Variants in LRRK2 observed in about 807,000 individuals in gnomAD.
LRRK2 encodes the protein leucine-rich repeat serine/threonine-protein kinase 2.
A neutral mutation model predicts 302.6 loss-of-function variants in LRRK2; 203 were observed. The observed-to-expected ratio is 0.67, with a 90% CI of 0.60 to 0.75. LRRK2 has a LOEUF of 0.75. Ranked by LOEUF, LRRK2 falls within the 30% of genes least tolerant of loss-of-function variation. LRRK2 has a pLI of 0.00. For synonymous variants in LRRK2, 1,066 were observed against 1,031.9 expected (o/e 1.03, Z -0.63); for missense variants, 2,830 against 2,951.0 (o/e 0.96, Z 0.95).
chr12:40,363,373 G>A (rs1946774189), intron 47 of LRRK2, 29 bp from the exon 48 acceptor site: 3 of 1,571,542 alleles, frequency 1.9e-6, no homozygotes, highest in Non-Finnish European at 2.6e-6. Flanking sequence ...AACAAATAGT[G>A]ATGACTTTCT....
chr12:40,294,770 A>C, intron 21 of LRRK2, 75 bp from the exon 22 acceptor site: 1 of 853,616 alleles, frequency 1.2e-6, no homozygotes, highest in Non-Finnish European at 1.9e-6. Context: ...TTAAAATTTC[A>C]TGGTTCCTTC....
At chr12:40,240,350 G>A in intron 5 of LRRK2, 133 bp from the exon 6 acceptor site, 3 of 820,950 alleles carry the variant, frequency 3.7e-6, no homozygotes, top group Non-Finnish European at 5.9e-6. Flanking sequence ...CTGCTTCACA[G>A]AAATATATTT....
At chr12:40,344,213 A>G (rs1946129268) in intron 41 of LRRK2, among the ~76,000 whole-genome samples, 1 of 152,074 alleles carries the variant, frequency 6.6e-6, no homozygotes, top group South Asian at 2.1e-4. Context: ...AGACGAAATG[A>G]CCCCTAGAGT....
rs566061929 is a variant in LRRK2, at chr12:40,293,978, C to T, written c.2808+315C>T. ...TCAGAACTCCATGTCTGAAAAGAGCCCAGGCTAGACCTCTACCTAATGGTG... is the reference window on the plus strand; with the variant it reads ...TCAGAACTCCATGTCTGAAAAGAGCTCAGGCTAGACCTCTACCTAATGGTG... On this transcript the variant is annotated intron_variant, in intron 21 of 50. Coordinates refer to ENST00000298910, the MANE Select transcript of LRRK2 (RefSeq NM_198578.4). Among the ~76,000 whole-genome samples the T allele has an allele frequency of 6.2e-4, 93 of 150,442 alleles. No individual in the cohort carries two copies. In the East Asian group the frequency reaches 0.017, roughly 28 times the overall value.
intron 14 of LRRK2, among the ~76,000 whole-genome samples, chr12:40,264,354 C>T (rs1405537315): frequency 6.6e-6 from 1 of 152,182 alleles, no homozygotes; most frequent in African/African-American, 2.4e-5. Context: ...GGCACAGTGG[C>T]CCACACCTGT....
At chr12:40,243,763 G>A in intron 7 of LRRK2, 82 bp downstream of exon 7, 1 of 1,281,766 alleles carries the variant, frequency 7.8e-7, no homozygotes, top group African/African-American at 1.5e-5. Context: ...CATAATAATG[G>A]ATAAGTAGCA....
Position 40,274,863 on chromosome 12 carries a change from G to T in LRRK2, c.1811G>T (p.Cys604Phe). The change falls in exon 16 of 51, where the codon TGT becomes TTT. Residue 604 changes from cysteine to phenylalanine, a missense_variant. Physicochemically the swap from Cys to Phe is radical, Grantham distance 205 (BLOSUM62 -2). Transcript: ENST00000298910. ...QMYPDDQEIQ[C>F]LGLSLIGYLI... ...TTTTTTATTTTCCTAGAAATTCAGT[G>T]TCTGGGTTTAAGTCTTATAGGATAC... 1.2e-6 allele frequency: 2 copies of T among 1,610,750 alleles called. No homozygotes were observed. Among genetic ancestry groups the T allele is most frequent in the South Asian group, 1.1e-5 (1 of 90,950 alleles).
rs1381739913 is a variant in LRRK2, at chr12:40,322,067, C to A, written c.5203C>A (p.Arg1735=). ...RALRPNRMYW[R]QGIYLNWSPE... is the part of the protein sequence containing the mutation. ...ACTTCGCCCAAACAGAATGTATTGGCGACAAGGCATTTACTTAAATTGGTC... is the reference window on the plus strand; with the variant it reads ...ACTTCGCCCAAACAGAATGTATTGGAGACAAGGCATTTACTTAAATTGGTC... The change falls in exon 36 of 51, where the codon CGA becomes AGA. Residue 1735 remains arginine (R), a synonymous_variant. Transcript: ENST00000298910. 1.2e-6 allele frequency: 2 copies of A among 1,613,228 alleles called. No homozygotes were observed. Among genetic ancestry groups the A allele is most frequent in the Admixed American group, 1.7e-5 (1 of 59,956 alleles).
rs892823711 is a variant in LRRK2 at position 40,237,856 on chromosome 12, A to G, written c.437-113A>G. ...AAACAAACAAACAAACAAGAAAACC[A>G]TGGGTCTACAAACCATTCACAGTCT... On this transcript the variant is annotated intron_variant, in intron 4 of 50. Transcript: ENST00000298910. The G allele has an allele frequency of 1.1e-5, 12 of 1,121,244 alleles. No individual in the cohort carries two copies. The Admixed American group carries it at 1.6e-4, about 15-fold the overall frequency. The allele number at this position is 1,121,244 out of a possible 1,614,324, so 69.5% of individuals were successfully genotyped here.
Position 40,295,568 on chromosome 12 carries a change from G to A in LRRK2, c.3020G>A (p.Ser1007Asn). Residue 1007 changes from serine (S) to asparagine (N), a missense_variant, in exon 23 of 51, where the codon AGT becomes AAT. Around this residue, in one of 3 missense-constraint regions of LRRK2, gnomAD observed 2,121 missense variants for 2,148.0 expected, o/e 0.99. Transcript: ENST00000298910. ...GCCCTAAGCCAGAAATGCTGTATAA[G>A]TGTTCATTTGGAGCATCTTGAAAAG... The part of the protein sequence containing the change: ...IDALSQKCCI[S>N]VHLEHLEKLE... The A allele has an allele frequency of 6.2e-7, 1 of 1,614,012 alleles. No individual in the cohort carries two copies. Among genetic ancestry groups the A allele is most frequent in the East Asian group, 2.2e-5 (1 of 44,864 alleles).
intron 12 of LRRK2, 34 bp from the exon 13 acceptor site, chr12:40,259,446 T>A (rs1565687799): frequency 1.9e-6 from 3 of 1,612,330 alleles, no homozygotes; most frequent in Non-Finnish European, 2.5e-6. Flanking sequence ...ATCAGATCAG[T>A]CTTTCAATAA....
intron 5 of LRRK2, among the ~76,000 whole-genome samples, chr12:40,239,867 A>T (rs1941650181): frequency 6.6e-6 from 1 of 152,196 alleles, no homozygotes; most frequent in Non-Finnish European, 1.5e-5. Flanking sequence ...CTCAAGCTAG[A>T]TAAACTATAA....
chr12:40,319,995 C>T lies in LRRK2; in HGVS notation c.4835C>T (p.Thr1612Ile). The change falls in exon 34 of 51, where the codon ACA becomes ATA. Residue 1612 changes from threonine to isoleucine, a missense_variant. Thr to Ile is a moderately conservative substitution (Grantham distance 89). This residue lies in a region of LRRK2 where 2,121 missense variants were observed against 2,148.0 expected (regional missense o/e 0.99). Transcript: ENST00000298910. ...ATGACTCGAATCTTTCAGATTTTGA[C>T]AGTGAAAGTGGAAGGTTGTCCAAAA... ...WLCKIMAQIL[T>I]VKVEGCPKHP... 2 of 1,607,790 alleles carry T rather than the reference C, an allele frequency of 1.2e-6. No homozygotes were observed. The highest frequency in any genetic ancestry group is 1.7e-6 in the Non-Finnish European group (2 of 1,176,898).
chr12:40,225,072 G>A lies in LRRK2; in HGVS notation c.-60G>A, dbSNP rs1940795359. 1 of 1,607,840 alleles carries A rather than the reference G, an allele frequency of 6.2e-7. No homozygotes were observed. The highest frequency in any genetic ancestry group is 8.5e-7 in the Non-Finnish European group (1 of 1,177,710). ...GGGAGCTGTGGCCGGCGCCCCTGCC[G>A]GTTCCCTGAGCAGCGGACGTTCATG... On this transcript the variant is annotated 5_prime_UTR_variant, in exon 1 of 51. Transcript: ENST00000298910.
chr12:40,339,685 C>T (rs1279866975), intron 40 of LRRK2, among the ~76,000 whole-genome samples: 1 of 152,064 alleles, frequency 6.6e-6, no homozygotes, highest in East Asian at 1.9e-4. Flanking sequence ...ATTATATACT[C>T]AAACAGAAGA....
chr12:40,232,303 A>C lies in LRRK2; in HGVS notation c.267A>C (p.Ile89=), dbSNP rs1364226173. Residue 89 remains isoleucine, a synonymous_variant, in exon 3 of 51, where the codon ATA becomes ATC. Transcript: ENST00000298910. Reference sequence around the variant, plus strand: ...GTTGGTCACTTCTGTGCAAATTAATAGAAGTCTGTCCAGGTACAATGCAAA... The same window carrying C: ...GTTGGTCACTTCTGTGCAAATTAATCGAAGTCTGTCCAGGTACAATGCAAA... ...QVGWSLLCKL[I]EVCPGTMQSL... The C allele has an allele frequency of 6.2e-7, 1 of 1,614,140 alleles. No homozygotes were observed. Among genetic ancestry groups the C allele is most frequent in the South Asian group, 1.1e-5 (1 of 91,086 alleles).
At chr12:40,251,088 A>G in intron 8 of LRRK2, 144 bp from the exon 9 acceptor site, 1 of 536,838 alleles carries the variant, frequency 1.9e-6, no homozygotes. Flanking sequence ...ATATATTAAA[A>G]ATTATCTTTA....
At chr12:40,340,045 T>G (rs767026919) in intron 40 of LRRK2, among the ~76,000 whole-genome samples, 1 of 152,236 alleles carries the variant, frequency 6.6e-6, no homozygotes, top group African/African-American at 2.4e-5. Context: ...TTGCCTGAGA[T>G]AGATTTGTCT....
At chr12:40,244,137 T>G (rs1002672036) in intron 7 of LRRK2, among the ~76,000 whole-genome samples, 1 of 152,164 alleles carries the variant, frequency 6.6e-6, no homozygotes, top group Non-Finnish European at 1.5e-5. Flanking sequence ...TTCCTGCCCT[T>G]GCTTTCTCTA....
Sources: allele counts gnomAD v4.1 joint callset (sites outside exome capture counted in the v4.1 genomes callset), GRCh38; gene constraint gnomAD v4.1.1; regional missense constraint gnomAD v4.1.1; transcripts MANE v1.5; gene names NCBI Gene and HGNC (gene_info 2026-07-23, HGNC 2026-07-21).